Variants in ARID1B observed in about 807,000 individuals in gnomAD.
ARID1B encodes AT-rich interactive domain-containing protein 1B.
Under a neutral mutation model 212.3 loss-of-function variants are expected in ARID1B, and 30 were observed. The ratio of observed to expected loss-of-function variants is 0.14; its 90% confidence interval spans 0.11 to 0.19. ARID1B has a LOEUF of 0.19. Among genes scored for constraint, ARID1B ranks in the 10% least tolerant of loss-of-function variants. The pLI is 1.00. For missense variants in ARID1B, 2,891 were observed against 3,204.0 expected (o/e 0.90, Z 2.36); for synonymous variants, 1,402 against 1,301.7 (o/e 1.08, Z -1.66).
intron 1 of ARID1B, among the ~76,000 whole-genome samples, chr6:156,804,867 C>CAAAAAAAA (rs61315445): frequency 1.5e-4 from 13 of 85,112 alleles, no homozygotes; most frequent in African/African-American, 3.9e-4. Context: ...ATCTGATTGG[C>CAAAAAAAA]AAAAAAAAAA....
At chr6:156,838,883 C>G (rs540050438) in intron 2 of ARID1B, among the ~76,000 whole-genome samples, 57 of 152,166 alleles carry the variant, frequency 3.7e-4, no homozygotes, top group African/African-American at 1.3e-3. Context: ...TTAAAAGGGT[C>G]AGCCAACAAG....
rs548703200 is a variant in ARID1B, at chr6:157,203,319, T to A, written c.5264-547T>A. Among the ~76,000 whole-genome samples, 18 of 152,338 alleles carry A rather than the reference T, an allele frequency of 1.2e-4. No homozygotes were observed. The East Asian group carries it at 3.3e-3, about 28-fold the overall frequency. ...TGAGCCATCAAAGTGCTAATATTTA[T>A]CACAGCATGTTCTGAGGGCAGGAGC... is the stretch of plus-strand genomic sequence containing the variant. On this transcript the variant is annotated intron_variant, in intron 18 of 19. Transcript: ENST00000636930. This position sits in a 1 kb window ranked among gnomAD's most constrained non-coding sequence, Gnocchi z 4.4.
chr6:156,777,862 G>GCGGCGA lies in ARID1B; in HGVS notation c.188_193dup (p.Asp63_Gly64dup). Reference sequence around the variant, plus strand: ...GCACCGGGACCCATGCTGGGGGGCGGCGGCGACGGCGGCGGCGGCCTGAAC... The same window carrying GCGGCGA: ...GCACCGGGACCCATGCTGGGGGGCGGCGGCGACGGCGACGGCGGCGGCGGCCTGAAC... On this transcript the variant is annotated inframe_insertion, in exon 1 of 20. Coordinates refer to ENST00000636930, the MANE Select transcript of ARID1B (RefSeq NM_001374828.1). 2.2e-6 allele frequency: 3 copies of GCGGCGA among 1,343,338 alleles called. No individual in the cohort carries two copies. Among genetic ancestry groups the GCGGCGA allele is most frequent in the East Asian group, 3.1e-5 (1 of 32,070 alleles). The allele number at this position is 1,343,338 out of a possible 1,614,324, so 83.2% of individuals were successfully genotyped here.
chr6:156,803,582 ATT>A (rs1295099646), intron 1 of ARID1B, among the ~76,000 whole-genome samples: 1 of 138,478 alleles, frequency 7.2e-6, no homozygotes, highest in African/African-American at 2.7e-5. Flanking sequence ...TGAATGCTTT[ATT>A]TTTGTTTTCA....
intron 8 of ARID1B, among the ~76,000 whole-genome samples, chr6:157,152,880 G>A (rs1312710162): frequency 6.6e-6 from 1 of 152,200 alleles, no homozygotes; most frequent in Non-Finnish European, 1.5e-5. Context: ...GATTCACAGA[G>A]CTTGTCAGAA....
chr6:157,196,169 T>G lies in ARID1B; in HGVS notation c.4236T>G (p.Pro1412=), dbSNP rs949655879. 3.1e-6 allele frequency: 5 copies of G among 1,612,298 alleles called. No homozygotes were observed. In the African/African-American group the frequency reaches 5.3e-5, roughly 17 times the overall value. Residue 1412 remains proline, a synonymous_variant, in exon 16 of 20, where the codon CCT becomes CCG. Coordinates refer to ENST00000636930, the MANE Select transcript of ARID1B (RefSeq NM_001374828.1). ...ATTTTATTTAAAATATTGCAGTGCCTGGAAGCAGCGAGCCCTTTATGACGC... is the reference window on the plus strand; with the variant it reads ...ATTTTATTTAAAATATTGCAGTGCCGGGAAGCAGCGAGCCCTTTATGACGC... The part of the protein sequence containing the change: ...KDPFGGMRKV[P]GSSEPFMTQG...
intron 11 of ARID1B, among the ~76,000 whole-genome samples, chr6:157,179,383 T>C (rs887744454): frequency 1.3e-5 from 2 of 152,126 alleles, no homozygotes; most frequent in South Asian, 2.1e-4. Context: ...AAGTAGGCCT[T>C]GGGTACAAGG....
At chr6:156,836,969 A>T (rs1333229328) in intron 2 of ARID1B, among the ~76,000 whole-genome samples, 1 of 152,208 alleles carries the variant, frequency 6.6e-6, no homozygotes. Flanking sequence ...CAGCCTCAGC[A>T]TTAGATTTTA....
At chr6:157,062,671 G>C (rs1463436253) in intron 4 of ARID1B, among the ~76,000 whole-genome samples, 1 of 148,932 alleles carries the variant, frequency 6.7e-6, no homozygotes, top group African/African-American at 2.5e-5. Flanking sequence ...CAAAGTGTCT[G>C]TTAATCTGGT....
intron 4 of ARID1B, 162 bp downstream of exon 4, chr6:156,935,738 T>C (rs1319429062): frequency 1.7e-6 from 1 of 598,422 alleles, no homozygotes; most frequent in Non-Finnish European, 2.9e-6. Context: ...TTTTAGGAGC[T>C]CTGTAGTCCT....
At chr6:156,892,125 C>T (rs1438743091) in intron 2 of ARID1B, among the ~76,000 whole-genome samples, 1 of 146,320 alleles carries the variant, frequency 6.8e-6, no homozygotes, top group African/African-American at 2.5e-5. Context: ...GTCTCTATCT[C>T]TTGACCTCGT....
At chr6:157,068,716 T>C (rs890522047) in intron 4 of ARID1B, among the ~76,000 whole-genome samples, 3 of 152,332 alleles carry the variant, frequency 2.0e-5, no homozygotes, top group Non-Finnish European at 4.4e-5. Context: ...AAATACCTGT[T>C]AGAGAATGCA....
intron 4 of ARID1B, among the ~76,000 whole-genome samples, chr6:157,003,677 A>G (rs1179539719): frequency 1.3e-5 from 2 of 152,162 alleles, no homozygotes; most frequent in Non-Finnish European, 2.9e-5. Context: ...ATTAAGTAAC[A>G]TCGAGTCTTC....
chr6:157,200,324 T>G lies in ARID1B; in HGVS notation c.4480-381T>G, dbSNP rs1401914271. Among the ~76,000 whole-genome samples, 1 of 152,156 alleles carries G rather than the reference T, an allele frequency of 6.6e-6. No homozygotes were observed. The highest frequency in any genetic ancestry group is 1.5e-5 in the Non-Finnish European group (1 of 68,022). On this transcript the variant is annotated intron_variant, in intron 17 of 19. Coordinates refer to ENST00000636930, the MANE Select transcript of ARID1B (RefSeq NM_001374828.1). The surrounding 1 kb of genome is among the most constrained non-coding windows in gnomAD (Gnocchi z 4.3). ...AGACCCTTTCAGGCCGGCCCCTGGATGCTGGCTTTCCTGTGAGAGGGTCCT... is the reference window on the plus strand; with the variant it reads ...AGACCCTTTCAGGCCGGCCCCTGGAGGCTGGCTTTCCTGTGAGAGGGTCCT...
Position 156,862,168 on chromosome 6 carries a change from G to GA in ARID1B, c.1986+32748dup, listed in dbSNP as rs1485104003. On this transcript the variant is annotated intron_variant, in intron 2 of 19. Coordinates refer to ENST00000636930, the MANE Select transcript of ARID1B (RefSeq NM_001374828.1). Reference sequence around the variant, plus strand: ...TCAGGGGAGTTGTGGATGGTGAAGAGAGACATTTGAGGTTTGGGTCTACAG... The same window carrying GA: ...TCAGGGGAGTTGTGGATGGTGAAGAGAAGACATTTGAGGTTTGGGTCTACAG... Among the ~76,000 whole-genome samples, 3 of 152,364 alleles carry GA rather than the reference G, an allele frequency of 2.0e-5. No individual in the cohort carries two copies. In the East Asian group the frequency reaches 5.8e-4, roughly 29 times the overall value.
At chr6:157,037,232 C>G (rs972038341) in intron 4 of ARID1B, among the ~76,000 whole-genome samples, 1 of 152,130 alleles carries the variant, frequency 6.6e-6, no homozygotes, top group East Asian at 1.9e-4. Context: ...GTTCATAGCT[C>G]CAGTGTTATT....
At chr6:157,191,195 T>A (rs1469886833) in intron 15 of ARID1B, among the ~76,000 whole-genome samples, 2 of 150,636 alleles carry the variant, frequency 1.3e-5, no homozygotes, top group African/African-American at 4.9e-5. Flanking sequence ...ACTGTGAGAG[T>A]CTAGGGGGAG....
At position 157,123,540 on chromosome 6, in the gene ARID1B, T is replaced by C. The variant is rs573195221; in HGVS notation, c.2582-9488T>C. Among the ~76,000 whole-genome samples, 453 of 152,192 alleles carry C rather than the reference T, an allele frequency of 3.0e-3. 1 individual carries two copies. The highest frequency in any genetic ancestry group is 4.7e-3 in the Admixed American group (72 of 15,288). On this transcript the variant is annotated intron_variant, in intron 6 of 19. Transcript: ENST00000636930. ...GGCAGGCCCAGCCTGGAGCCACCAC[T>C]CCCTAGGGGCAGCCTCGGAAGGCGT...
intron 3 of ARID1B, among the ~76,000 whole-genome samples, chr6:156,906,290 G>A (rs1314178944): frequency 6.6e-6 from 1 of 152,056 alleles, no homozygotes; most frequent in African/African-American, 2.4e-5. Flanking sequence ...CCTCATGCCT[G>A]TAATCCCAGC....
Sources: allele counts gnomAD v4.1 joint callset (sites outside exome capture counted in the v4.1 genomes callset), GRCh38; gene constraint gnomAD v4.1.1; non-coding constraint Gnocchi (gnomAD v3.1); transcripts MANE v1.5; gene names NCBI Gene and HGNC (gene_info 2026-07-23, HGNC 2026-07-21).